C1orf21: variants seen among roughly 807,000 people sequenced by gnomAD.
The protein encoded by C1orf21 is chromosome 1 open reading frame 21, also known as uncharacterized protein C1orf21.
In C1orf21, 3 loss-of-function variants were observed where a neutral mutation model predicts 18.7. The ratio of observed to expected loss-of-function variants is 0.16; its 90% CI spans 0.07 to 0.42. The LOEUF (loss-of-function observed/expected upper bound fraction) is 0.42. C1orf21 is among the 10% of genes least tolerant of loss of function. C1orf21 has a pLI of 0.99. For synonymous variants in C1orf21, 41 were observed against 46.4 expected (o/e 0.88, Z 0.47); for missense variants, 104 against 143.6 (o/e 0.72, Z 1.41).
At position 184,619,773 on chromosome 1, in the gene C1orf21, T is replaced by C; in HGVS notation, c.*217T>C. ...AAAAAAACTGTTATCGAACTTTCTTTGTTGCTGCTAGTTAAAACTTGTTGC... is the reference window on the plus strand; with the variant it reads ...AAAAAAACTGTTATCGAACTTTCTTCGTTGCTGCTAGTTAAAACTTGTTGC... On this transcript the variant is annotated 3_prime_UTR_variant, in exon 6 of 6. Coordinates refer to ENST00000235307, the MANE Select transcript of C1orf21 (RefSeq NM_030806.4). The C allele has an allele frequency of 2.2e-6, 1 of 450,722 alleles. No homozygotes were observed. Among genetic ancestry groups the C allele is most frequent in the Admixed American group, 4.4e-5 (1 of 22,638 alleles). The allele number at this position is 450,722 out of a possible 1,614,324, so 27.9% of individuals were successfully genotyped here. A position where few individuals can be genotyped will look rare whatever the true frequency, so the allele number is the denominator to read the frequency against.
chr1:184,410,617 T>TTTTATATA (rs1553247966), intron 1 of C1orf21, among the ~76,000 whole-genome samples: 15 of 21,162 alleles, frequency 7.1e-4, no homozygotes, highest in Non-Finnish European at 1.0e-3. Flanking sequence ...GCCATATATA[T>TTTTATATA]TATATATATA....
intron 3 of C1orf21, among the ~76,000 whole-genome samples, chr1:184,579,784 C>T (rs943007457): frequency 3.3e-5 from 5 of 152,178 alleles, no homozygotes; most frequent in African/African-American, 1.2e-4. Context: ...GCTGGGATTA[C>T]AGGCATGAGC....
At chr1:184,528,414 CT>C in intron 3 of C1orf21, among the ~76,000 whole-genome samples, 1 of 152,140 alleles carries the variant, frequency 6.6e-6, no homozygotes, top group Admixed American at 6.5e-5. Context: ...CCACTTTTTT[CT>C]TAGCATTATA....
At chr1:184,580,751 A>G (rs1371803483) in intron 3 of C1orf21, among the ~76,000 whole-genome samples, 1 of 152,214 alleles carries the variant, frequency 6.6e-6, no homozygotes, top group Non-Finnish European at 1.5e-5. Flanking sequence ...TATTGCTCTG[A>G]TAGGGGCTGT....
At chr1:184,604,233 G>A (rs971449302) in intron 5 of C1orf21, among the ~76,000 whole-genome samples, 1 of 152,156 alleles carries the variant, frequency 6.6e-6, no homozygotes, top group Non-Finnish European at 1.5e-5. Flanking sequence ...TGTGTGTAAA[G>A]ACCTGCTTAG....
rs1655907865 is a variant in C1orf21, at chr1:184,387,620, C to G, written c.-125+252C>G. Among the ~76,000 whole-genome samples the G allele has an allele frequency of 6.6e-6, 1 of 151,848 alleles. No homozygotes were observed. The highest frequency in any genetic ancestry group is 1.5e-5 in the Non-Finnish European group (1 of 67,956). On this transcript the variant is annotated intron_variant, in intron 1 of 5. Transcript: ENST00000235307. This position sits in a 1 kb window ranked among gnomAD's most constrained non-coding sequence, Gnocchi z 5.6. ...TGGGGGAGCCGCGAGGGGCGTCTGC[C>G]GGCCTGGGCGGAGGGGCTGGGATGT...
At position 184,497,699 on chromosome 1, in the gene C1orf21, T is replaced by C. The variant is rs141357539; in HGVS notation, c.95-9889T>C. 2.3e-3 allele frequency among the ~76,000 whole-genome samples: 343 copies of C among 152,354 alleles called. 3 individuals carry two copies. The highest frequency in any genetic ancestry group is 6.8e-3 in the Middle Eastern group (2 of 294). ...ATTACTTGAGCTGAAAATGACTCTG[T>C]CCAGTTTCTTCCTATTTCGTTAATG... On this transcript the variant is annotated intron_variant, in intron 2 of 5. Transcript: ENST00000235307.
chr1:184,561,326 G>A (rs1014992366), intron 3 of C1orf21, among the ~76,000 whole-genome samples: 4 of 152,156 alleles, frequency 2.6e-5, no homozygotes, highest in African/African-American at 9.7e-5. Flanking sequence ...GATACCTGCT[G>A]AACTTTGCCA....
intron 3 of C1orf21, chr1:184,566,559 C>T: frequency 2.7e-6 from 1 of 368,394 alleles, no homozygotes; most frequent in Non-Finnish European, 5.3e-6. Flanking sequence ...CAGGTGCTTC[C>T]TCTCTATGGT....
chr1:184,614,774 G>A (rs1659793468), intron 5 of C1orf21, among the ~76,000 whole-genome samples: 1 of 152,184 alleles, frequency 6.6e-6, no homozygotes, highest in African/African-American at 2.4e-5. Context: ...CTCATAAGGA[G>A]CACACAACCT....
chr1:184,403,753 G>C (rs1451710099), intron 1 of C1orf21, among the ~76,000 whole-genome samples: 2 of 152,178 alleles, frequency 1.3e-5, no homozygotes, highest in Non-Finnish European at 2.9e-5. Flanking sequence ...TTTATTTAGT[G>C]GCAATAACTT....
At chr1:184,460,915 G>A (rs1657299043) in intron 1 of C1orf21, among the ~76,000 whole-genome samples, 1 of 151,954 alleles carries the variant, frequency 6.6e-6, no homozygotes, top group Non-Finnish European at 1.5e-5. Context: ...TCTGAATTCT[G>A]TGGCTTTCCA....
At chr1:184,522,009 G>A (rs576143283) in intron 3 of C1orf21, among the ~76,000 whole-genome samples, 1 of 152,274 alleles carries the variant, frequency 6.6e-6, no homozygotes, top group African/African-American at 2.4e-5. Flanking sequence ...AATGTATACT[G>A]AACTGAACAA....
chr1:184,531,451 C>T (rs1658461521), intron 3 of C1orf21, among the ~76,000 whole-genome samples: 1 of 152,138 alleles, frequency 6.6e-6, no homozygotes, highest in African/African-American at 2.4e-5. Flanking sequence ...TATTTTGTCT[C>T]TCATAGAATG....
chr1:184,498,475 A>G (rs556578783), intron 2 of C1orf21, among the ~76,000 whole-genome samples: 2 of 152,320 alleles, frequency 1.3e-5, no homozygotes, highest in South Asian at 2.1e-4. Flanking sequence ...GAATGATCAT[A>G]TAATTTCCTA....
At chr1:184,467,761 CA>C (rs1281249682) in intron 1 of C1orf21, among the ~76,000 whole-genome samples, 1 of 152,162 alleles carries the variant, frequency 6.6e-6, no homozygotes, top group African/African-American at 2.4e-5. Context: ...ATGGTAATGA[CA>C]ATAGCTATCT....
intron 3 of C1orf21, among the ~76,000 whole-genome samples, chr1:184,512,354 G>T (rs571423368): frequency 1.3e-5 from 2 of 152,162 alleles, no homozygotes; most frequent in Non-Finnish European, 2.9e-5. Flanking sequence ...TAAGTGTCTA[G>T]CACCTAAGAG....
intron 5 of C1orf21, among the ~76,000 whole-genome samples, chr1:184,616,048 C>T (rs4651224): frequency 0.58 from 88,039 of 152,100 alleles, 27,897 homozygotes; most frequent in African/African-American, 0.86. Context: ...TTAACCATCC[C>T]CTCTTCATCC....
chr1:184,433,552 C>T (rs1014191885), intron 1 of C1orf21, among the ~76,000 whole-genome samples: 1 of 152,136 alleles, frequency 6.6e-6, no homozygotes, highest in African/African-American at 2.4e-5. Context: ...TTCCTATCTT[C>T]CTAGACCATT....
Sources: gnomAD v4.1 joint callset for allele counts (sites outside exome capture counted in the v4.1 genomes callset) on GRCh38, gnomAD v4.1.1 for gene constraint, Gnocchi (gnomAD v3.1) non-coding constraint, MANE v1.5 for transcripts, NCBI Gene and HGNC (gene_info 2026-07-23, HGNC 2026-07-21) for gene names.